DNM3: variants seen among roughly 807,000 people sequenced by gnomAD.
The protein encoded by DNM3 is dynamin-3.
DNM3 carries 47 observed loss-of-function variants against 101.6 expected under a neutral mutation model. The observed-to-expected ratio is 0.46, with a 90% CI of 0.37 to 0.59. DNM3 has a LOEUF of 0.59. DNM3 is among the 20% of genes least tolerant of loss of function. The pLI is 0.00. For missense variants in DNM3, 849 were observed against 1,085.7 expected (o/e 0.78, Z 3.06); for synonymous variants, 385 against 387.9 (o/e 0.99, Z 0.09).
intron 13 of DNM3, among the ~76,000 whole-genome samples, chr1:172,094,768 C>A (rs1360446350): frequency 6.6e-6 from 1 of 152,110 alleles, no homozygotes; most frequent in South Asian, 2.1e-4. Context: ...AAAATGAGAA[C>A]AACAAAACAC....
At chr1:172,397,082 C>G (rs2070067979) in intron 20 of DNM3, 1 of 152,584 alleles carries the variant, frequency 6.6e-6, no homozygotes, top group Non-Finnish European at 1.5e-5. Flanking sequence ...AGGGCCTACA[C>G]CAGAAAGTCT....
chr1:172,038,296 G>A (rs368971231), intron 6 of DNM3, 23 bp from the exon 7 acceptor site: 17 of 1,612,590 alleles, frequency 1.1e-5, no homozygotes, highest in East Asian at 6.7e-5. Context: ...TTCAATCTGT[G>A]TGTATCATTT....
intron 11 of DNM3, among the ~76,000 whole-genome samples, chr1:172,071,896 G>T (rs1389929279): frequency 6.6e-6 from 1 of 152,112 alleles, no homozygotes; most frequent in East Asian, 1.9e-4. Flanking sequence ...GAAAAAAATG[G>T]ATTATTTTTC....
At chr1:172,246,935 G>A (rs2061976952) in intron 14 of DNM3, among the ~76,000 whole-genome samples, 1 of 152,116 alleles carries the variant, frequency 6.6e-6, no homozygotes, top group Non-Finnish European at 1.5e-5. Flanking sequence ...ATGAGACTTT[G>A]TTAGGAAAAA....
At chr1:172,406,574 T>C (rs2070902831) in intron 20 of DNM3, among the ~76,000 whole-genome samples, 1 of 152,074 alleles carries the variant, frequency 6.6e-6, no homozygotes, top group African/African-American at 2.4e-5. Flanking sequence ...AGTTTGTGCC[T>C]AAATAGTTAA....
chr1:172,146,829 C>G (rs1282515047), intron 14 of DNM3, among the ~76,000 whole-genome samples: 1 of 152,042 alleles, frequency 6.6e-6, no homozygotes, highest in Non-Finnish European at 1.5e-5. Flanking sequence ...AAATTTTTGT[C>G]AAGGCAAACA....
chr1:171,971,064 C>T (rs968670545), intron 2 of DNM3, among the ~76,000 whole-genome samples: 1 of 151,912 alleles, frequency 6.6e-6, no homozygotes, highest in Non-Finnish European at 1.5e-5. Context: ...AACATTTAAC[C>T]ACAAAGAGGA....
At chr1:172,387,488 T>A in intron 19 of DNM3, 129 bp downstream of exon 19, 1 of 759,880 alleles carries the variant, frequency 1.3e-6, no homozygotes, top group Non-Finnish European at 2.1e-6. Context: ...AAACCCTGTC[T>A]CTACTAAAAA....
At chr1:172,040,020 G>A (rs2049257001) in intron 7 of DNM3, among the ~76,000 whole-genome samples, 1 of 152,142 alleles carries the variant, frequency 6.6e-6, no homozygotes, top group Admixed American at 6.6e-5. Flanking sequence ...GGAAGGATGT[G>A]AATTTGCAGA....
In DNM3 at chr1:172,291,405, G is replaced by A. The variant is rs1236582211; in HGVS notation, c.1770-17323G>A. Among the ~76,000 whole-genome samples, 9 of 152,276 alleles carry A rather than the reference G, an allele frequency of 5.9e-5. No homozygotes were observed. The South Asian group carries it at 1.0e-3, about 18-fold the overall frequency. ...ATGAACACAGGGTGGAAGTTCATGC[G>A]GACCTTAGGAGAGACAGGACCCCAT... On this transcript the variant is annotated intron_variant, in intron 15 of 20. Transcript: ENST00000627582.
chr1:172,083,047 C>T (rs1236203927), intron 12 of DNM3, among the ~76,000 whole-genome samples: 1 of 152,260 alleles, frequency 6.6e-6, no homozygotes, highest in East Asian at 1.9e-4. Flanking sequence ...ACCCTGCCCA[C>T]ACCCACTTCT....
intron 14 of DNM3, among the ~76,000 whole-genome samples, chr1:172,166,880 A>T (rs747928233): frequency 1.3e-5 from 2 of 151,878 alleles, no homozygotes; most frequent in Non-Finnish European, 2.9e-5. Context: ...TGTCATCCAG[A>T]AGTTCATTCT....
At chr1:172,121,901 G>T (rs1200260600) in intron 13 of DNM3, among the ~76,000 whole-genome samples, 1 of 152,148 alleles carries the variant, frequency 6.6e-6, no homozygotes, top group Non-Finnish European at 1.5e-5. Flanking sequence ...AGTCAATCCA[G>T]TCAGTTCCTT....
At chr1:172,151,495 A>G (rs545294833) in intron 14 of DNM3, among the ~76,000 whole-genome samples, 3 of 152,300 alleles carry the variant, frequency 2.0e-5, no homozygotes, top group Admixed American at 6.5e-5. Context: ...CTTATAACAA[A>G]ATGTTTTCCT....
intron 14 of DNM3, chr1:172,132,968 G>T (rs2057021040): frequency 6.5e-7 from 1 of 1,541,354 alleles, no homozygotes; most frequent in Non-Finnish European, 8.8e-7. Context: ...TTGAACCCAG[G>T]CTGTTGAGCT....
At chr1:171,914,050 A>G (rs144409768) in intron 1 of DNM3, among the ~76,000 whole-genome samples, 3,685 of 152,336 alleles carry the variant, frequency 0.024, 68 homozygotes, top group Non-Finnish European at 0.038. Context: ...TTGGCCTCCC[A>G]AAGTATTAAA....
intron 14 of DNM3, among the ~76,000 whole-genome samples, chr1:172,181,075 C>T (rs1315906511): frequency 6.6e-6 from 1 of 151,966 alleles, no homozygotes; most frequent in Non-Finnish European, 1.5e-5. Flanking sequence ...GACTGTGAGG[C>T]CTACACATCA....
intron 17 of DNM3, among the ~76,000 whole-genome samples, chr1:172,364,019 A>G (rs921231462): frequency 7.9e-5 from 12 of 151,908 alleles, no homozygotes; most frequent in African/African-American, 2.9e-4. Context: ...TAGAGGCTAT[A>G]CCATACCACT....
chr1:172,076,563 A>T (rs796932299), intron 11 of DNM3, among the ~76,000 whole-genome samples: 20 of 152,264 alleles, frequency 1.3e-4, no homozygotes, highest in African/African-American at 4.8e-4. Flanking sequence ...TTCTCCATCT[A>T]TTGAGATAAT....
Sources: gnomAD v4.1 joint callset for allele counts (sites outside exome capture counted in the v4.1 genomes callset) on GRCh38, gnomAD v4.1.1 for gene constraint, MANE v1.5 for transcripts, NCBI Gene and HGNC (gene_info 2026-07-23, HGNC 2026-07-21) for gene names.